SS18: variants seen among roughly 807,000 people sequenced by gnomAD.
The protein encoded by SS18 is protein SSXT.
In SS18, 28 loss-of-function variants were observed where a neutral mutation model predicts 72.5. The ratio of observed to expected loss-of-function variants is 0.39; its 90% CI spans 0.29 to 0.53. The LOEUF (loss-of-function observed/expected upper bound fraction) is 0.53. Ranked by LOEUF, SS18 falls within the 20% of genes least tolerant of loss-of-function variation. SS18 has a pLI of 0.76. For missense variants in SS18, 518 were observed against 535.3 expected (o/e 0.97, Z 0.32); for synonymous variants, 172 against 164.2 (o/e 1.05, Z -0.37).
intron 3 of SS18, among the ~76,000 whole-genome samples, chr18:26,060,605 TAAAA>T (rs1189288688): frequency 6.6e-6 from 1 of 151,154 alleles, no homozygotes; most frequent in Admixed American, 6.6e-5. Context: ...ACAGAAAATT[TAAAA>T]AGACACCTAA....
Position 26,066,414 on chromosome 18 carries a change from A to C in SS18, c.232-8672T>G, listed in dbSNP as rs2054217680. ...TCCATTTGAAGTCTATCAGACATGA[A>C]ATCTCTGATATTTCCCTTCACCCTC... On this transcript the variant is annotated intron_variant, in intron 3 of 10. Transcript: ENST00000415083. Among the ~76,000 whole-genome samples the C allele has an allele frequency of 4.6e-5, 7 of 152,074 alleles. No individual in the cohort carries two copies. In the South Asian group the frequency reaches 1.2e-3, roughly 27 times the overall value.
At chr18:26,057,863 A>G (rs2054051567) in intron 3 of SS18, 121 bp from the exon 4 acceptor site, 1 of 907,084 alleles carries the variant, frequency 1.1e-6, no homozygotes, top group Non-Finnish European at 1.6e-6. Context: ...TGCATTTCGA[A>G]TTCTTCTAAT....
In SS18 at chr18:26,022,877, C is replaced by T. The variant is rs117710397; in HGVS notation, c.1231-4497G>A. ...TTGTCACATAGGAACAGAATCAGTGCTTATTCCCACCAGTCAGAGTAAAAA... is the reference window on the plus strand; with the variant it reads ...TTGTCACATAGGAACAGAATCAGTGTTTATTCCCACCAGTCAGAGTAAAAA... On this transcript the variant is annotated intron_variant, in intron 10 of 10. Coordinates refer to ENST00000415083, the MANE Select transcript of SS18 (RefSeq NM_001007559.3). Among the ~76,000 whole-genome samples the T allele has an allele frequency of 5.4e-3, 827 of 152,276 alleles. 7 individuals carry two copies. The highest frequency in any genetic ancestry group is 8.6e-3 in the Non-Finnish European group (588 of 68,018).
intron 2 of SS18, 129 bp from the exon 3 acceptor site, chr18:26,078,289 A>G: frequency 1.8e-6 from 1 of 569,336 alleles, no homozygotes; most frequent in Non-Finnish European, 3.0e-6. Flanking sequence ...TAGCACTTCA[A>G]TTTTTCCTAC....
chr18:26,078,191 A>C, intron 2 of SS18, 31 bp from the exon 3 acceptor site: 1 of 1,533,656 alleles, frequency 6.5e-7, no homozygotes, highest in African/African-American at 1.4e-5. Flanking sequence ...TCAGTATTAA[A>C]AAATAATTTT....
chr18:26,049,688 T>G (rs2143960542), intron 5 of SS18, among the ~76,000 whole-genome samples: 1 of 152,250 alleles, frequency 6.6e-6, no homozygotes, highest in Non-Finnish European at 1.5e-5. Flanking sequence ...TTTTCACATT[T>G]CTTTTTGTAA....
intron 9 of SS18, among the ~76,000 whole-genome samples, chr18:26,034,189 A>G (rs2143848391): frequency 6.6e-6 from 1 of 152,308 alleles, no homozygotes. Flanking sequence ...CAGGTAGACA[A>G]AGATGTCCAC....
intron 2 of SS18, 96 bp downstream of exon 2, chr18:26,087,405 G>T: frequency 2.8e-6 from 2 of 713,152 alleles, no homozygotes; most frequent in Non-Finnish European, 5.0e-6. Context: ...GAATTGTATG[G>T]TATGTGAATT....
At chr18:26,025,105 T>A (rs1473559420) in intron 10 of SS18, among the ~76,000 whole-genome samples, 2 of 152,072 alleles carry the variant, frequency 1.3e-5, no homozygotes, top group Non-Finnish European at 2.9e-5. Flanking sequence ...TCAGAAAGAT[T>A]TGAAAATCTC....
In SS18 at chr18:26,016,731, AAAAC is replaced by A. The variant is rs1023701493; in HGVS notation, c.*1619_*1622del. The A allele has an allele frequency of 4.5e-6, 1 of 223,618 alleles. No homozygotes were observed. Among genetic ancestry groups the A allele is most frequent in the African/African-American group, 2.2e-5 (1 of 44,762 alleles). The allele number at this position is 223,618 out of a possible 1,614,324, so 13.9% of individuals were successfully genotyped here. ...AGAGCAAGACTCCATCTCAAAAAAA[AAAAC>A]AAAGAACAAAAAACAAAAACAAAAA... On this transcript the variant is annotated 3_prime_UTR_variant, in exon 11 of 11. Coordinates refer to ENST00000415083, the MANE Select transcript of SS18 (RefSeq NM_001007559.3).
chr18:26,040,515 G>C (rs2053705165), intron 5 of SS18, among the ~76,000 whole-genome samples: 1 of 152,134 alleles, frequency 6.6e-6, no homozygotes, highest in Non-Finnish European at 1.5e-5. Flanking sequence ...GTACTAGACA[G>C]CCTGGAAAGG....
intron 5 of SS18, among the ~76,000 whole-genome samples, chr18:26,044,893 C>T (rs148553221): frequency 3.9e-4 from 59 of 152,234 alleles, no homozygotes; most frequent in Middle Eastern, 6.8e-3. Flanking sequence ...GGAAACTCCC[C>T]TGGTCAGCAA....
intron 2 of SS18, chr18:26,083,955 G>A (rs889736256): frequency 2.6e-5 from 4 of 151,996 alleles, no homozygotes; most frequent in Admixed American, 6.6e-5. Flanking sequence ...ACATACAAGA[G>A]ATTGAACAGT....
intron 5 of SS18, among the ~76,000 whole-genome samples, chr18:26,044,778 G>T (rs913199090): frequency 6.6e-6 from 1 of 151,950 alleles, no homozygotes; most frequent in Non-Finnish European, 1.5e-5. Flanking sequence ...GCCAAGCAGG[G>T]GGGTAAAGGA....
At chr18:26,028,590 A>C (rs1461371868) in intron 10 of SS18, among the ~76,000 whole-genome samples, 1 of 152,238 alleles carries the variant, frequency 6.6e-6, no homozygotes, top group Non-Finnish European at 1.5e-5. Context: ...ACTTAGCAAT[A>C]AACAATTACT....
chr18:26,082,070 CAA>C (rs1025031587), intron 2 of SS18, among the ~76,000 whole-genome samples: 1 of 145,408 alleles, frequency 6.9e-6, no homozygotes, highest in Admixed American at 6.8e-5. Context: ...AAAAACAAAA[CAA>C]AAAAAAAGAG....
At chr18:26,080,656 T>A (rs2054501097) in intron 2 of SS18, among the ~76,000 whole-genome samples, 1 of 152,232 alleles carries the variant, frequency 6.6e-6, no homozygotes, top group African/African-American at 2.4e-5. Flanking sequence ...ATCTTTTCAA[T>A]TTTTAATTGT....
At position 26,035,260 on chromosome 18, in the gene SS18, A is replaced by G; in HGVS notation, c.974-133T>C. The G allele has an allele frequency of 8.2e-7, 1 of 1,213,384 alleles. No homozygotes were observed. Among genetic ancestry groups the G allele is most frequent in the Non-Finnish European group, 1.1e-6 (1 of 894,486 alleles). 75.2% of individuals were successfully genotyped at this position (1,213,384 alleles called of 1,614,324 possible). On this transcript the variant is annotated intron_variant, in intron 8 of 10. Transcript: ENST00000415083. The surrounding 1 kb of genome is among the most constrained non-coding windows in gnomAD (Gnocchi z 4.4). ...ATTGATTTTTAGAAGTTAACAAAAC[A>G]AAGAAAAAACTCAAACCAAACAGAA...
chr18:26,079,387 T>C (rs2054476593), intron 2 of SS18, among the ~76,000 whole-genome samples: 1 of 152,188 alleles, frequency 6.6e-6, no homozygotes, highest in Non-Finnish European at 1.5e-5. Flanking sequence ...ACAAGCCCCA[T>C]GAGTACAAAC....
Sources: allele counts gnomAD v4.1 joint callset (sites outside exome capture counted in the v4.1 genomes callset), GRCh38; gene constraint gnomAD v4.1.1; non-coding constraint Gnocchi (gnomAD v3.1); transcripts MANE v1.5; gene names NCBI Gene and HGNC (gene_info 2026-07-23, HGNC 2026-07-21).